The following CYFIP2 variants were observed in gnomAD, a reference collection of about 807,000 sequenced individuals.
CYFIP2 encodes cytoplasmic FMR1 interacting protein 2, also known as cytoplasmic FMR1-interacting protein 2.
Under a neutral mutation model 158.7 loss-of-function variants are expected in CYFIP2, and 29 were observed. The ratio of observed to expected loss-of-function variants is 0.18; its 90% CI spans 0.14 to 0.25. CYFIP2 has a LOEUF of 0.25. CYFIP2 is among the 10% of genes least tolerant of loss of function. CYFIP2 has a pLI of 1.00. For missense variants in CYFIP2, 852 were observed against 1,639.5 expected (o/e 0.52, Z 8.29); for synonymous variants, 585 against 617.6 (o/e 0.95, Z 0.78).
rs149996891 is a variant in CYFIP2 at position 157,277,342 on chromosome 5, G to A, written c.-23-7997G>A. On this transcript the variant is annotated intron_variant, in intron 1 of 30. Coordinates refer to ENST00000620254, the MANE Select transcript of CYFIP2 (RefSeq NM_001037333.3). ...CACTGAGTCTGGCCTTATCTGTGTA[G>A]CCACCAAGTCCGGTCTTATCTGTGT... Among the ~76,000 whole-genome samples, 4 of 152,112 alleles carry A rather than the reference G, an allele frequency of 2.6e-5. No homozygotes were observed. The East Asian group carries it at 7.7e-4, about 29-fold the overall frequency.
chr5:157,338,011 A>G (rs1413810036), intron 21 of CYFIP2, among the ~76,000 whole-genome samples: 5 of 152,236 alleles, frequency 3.3e-5, no homozygotes, highest in Non-Finnish European at 7.3e-5. Context: ...TACCGATCCT[A>G]AAAGATGGCT....
chr5:157,324,468 G>A (rs1760852674), intron 16 of CYFIP2, among the ~76,000 whole-genome samples: 1 of 152,236 alleles, frequency 6.6e-6, no homozygotes, highest in African/African-American at 2.4e-5. Flanking sequence ...CCAGTCCTGT[G>A]TTCTTCACAC....
chr5:157,324,395 A>G (rs1760846626), intron 16 of CYFIP2, among the ~76,000 whole-genome samples: 1 of 152,224 alleles, frequency 6.6e-6, no homozygotes, highest in South Asian at 2.1e-4. Flanking sequence ...TTTGCTACTC[A>G]GCCGCAACCA....
At chr5:157,302,921 T>C in intron 7 of CYFIP2, 31 bp downstream of exon 7, 2 of 1,536,364 alleles carry the variant, frequency 1.3e-6, no homozygotes, top group Non-Finnish European at 1.8e-6. Context: ...AGGCCTGGCC[T>C]GATGTCTCGG....
chr5:157,315,024 G>T lies in CYFIP2; in HGVS notation c.1286G>T (p.Gly429Val). 6.2e-7 allele frequency: 1 copy of T among 1,608,024 alleles called. No homozygotes were observed. The highest frequency in any genetic ancestry group is 8.5e-7 in the Non-Finnish European group (1 of 1,177,428). ...TDKFCNKDCP[G>V]TAEEYERATR... ...AAGTTCTGCAACAAGGACTGTCCTG[G>T]CACCGCGGAGGAATATGAGAGAGCC... The change falls in exon 13 of 31, where the codon GGC becomes GTC. Residue 429 changes from glycine to valine, a missense_variant. Around this residue, in one of 8 missense-constraint regions of CYFIP2, gnomAD observed 167 missense variants for 343.3 expected, o/e 0.49. Coordinates refer to ENST00000620254, the MANE Select transcript of CYFIP2 (RefSeq NM_001037333.3).
At chr5:157,294,747 T>C in intron 3 of CYFIP2, 36 bp from the exon 4 acceptor site, 1 of 1,601,996 alleles carries the variant, frequency 6.2e-7, no homozygotes, top group Non-Finnish European at 8.5e-7. Context: ...GGCACCCGTC[T>C]TGTTCCTCCC....
intron 26 of CYFIP2, among the ~76,000 whole-genome samples, chr5:157,369,886 T>TTTTTTTTTG (rs1764817590): frequency 6.7e-6 from 1 of 148,830 alleles, no homozygotes; most frequent in Non-Finnish European, 1.5e-5. Context: ...CTAGTTTTTT[T>TTTTTTTTTG]TTTTTTTTTT....
intron 26 of CYFIP2, chr5:157,377,025 G>GC (rs1398659676): frequency 3.7e-5 from 14 of 379,640 alleles, no homozygotes; most frequent in Admixed American, 8.5e-5. Flanking sequence ...TTTTACTCCC[G>GC]CCCTCAGGTC....
chr5:157,368,475 G>A (rs1764643607), intron 26 of CYFIP2, among the ~76,000 whole-genome samples: 1 of 152,098 alleles, frequency 6.6e-6, no homozygotes, highest in Admixed American at 6.5e-5. Flanking sequence ...AGCGTGTCCT[G>A]TCCCTTTGCC....
intron 28 of CYFIP2, chr5:157,384,413 A>G (rs1179664206): frequency 4.4e-6 from 2 of 456,632 alleles, no homozygotes; most frequent in Non-Finnish European, 4.4e-6. Flanking sequence ...GAGATTTAGG[A>G]TTGAAATCTG....
chr5:157,317,778 AC>A (rs1760266709), intron 13 of CYFIP2, among the ~76,000 whole-genome samples: 1 of 152,102 alleles, frequency 6.6e-6, no homozygotes, highest in South Asian at 2.1e-4. Flanking sequence ...CAAAAAGGCA[AC>A]CCCAAACCTA....
chr5:157,371,516 T>C (rs1210300645), intron 26 of CYFIP2, among the ~76,000 whole-genome samples: 1 of 152,230 alleles, frequency 6.6e-6, no homozygotes, highest in Non-Finnish European at 1.5e-5. Flanking sequence ...AATGCCATTC[T>C]GCATAAATCT....
At chr5:157,378,062 G>A (rs1314490639) in intron 26 of CYFIP2, among the ~76,000 whole-genome samples, 1 of 152,220 alleles carries the variant, frequency 6.6e-6, no homozygotes, top group Non-Finnish European at 1.5e-5. Flanking sequence ...AAACTTAAAT[G>A]GGGCTTTATG....
rs546404433 is a variant in CYFIP2, at chr5:157,300,459, TG to T, written c.388-253del. On this transcript the variant is annotated intron_variant, in intron 5 of 30. Transcript: ENST00000620254. ...CTGAGGCAGGAGAATTGCTTGAACC[TG>T]GGAAGTGGAGGTTGCAGTGAGCCGA... Among the ~76,000 whole-genome samples, 403 of 148,180 alleles carry T rather than the reference TG, an allele frequency of 2.7e-3. 1 individual carries two copies. Among genetic ancestry groups the T allele is most frequent in the African/African-American group, 9.6e-3 (383 of 39,906 alleles).
In CYFIP2 at chr5:157,358,949, C is replaced by T; in HGVS notation, c.2674-56C>T. The T allele has an allele frequency of 3.1e-6, 5 of 1,607,972 alleles. No homozygotes were observed. In the South Asian group the frequency reaches 5.5e-5, roughly 18 times the overall value. ...TGTCAGCAGAACATCTGCCAGGACT[C>T]CACCAGTGTCCATTCAGTACTCAGG... is the stretch of plus-strand genomic sequence containing the variant. On this transcript the variant is annotated intron_variant, in intron 23 of 30. Transcript: ENST00000620254.
intron 26 of CYFIP2, chr5:157,364,210 G>GGA (rs1764147796): frequency 1.4e-5 from 2 of 144,216 alleles, no homozygotes; most frequent in African/African-American, 5.2e-5. Context: ...GTGGCGGGGG[G>GGA]GGGTGGGTCC....
At chr5:157,314,524 T>TCTCCC in intron 12 of CYFIP2, 61 bp downstream of exon 12, 1 of 1,579,774 alleles carries the variant, frequency 6.3e-7, no homozygotes, top group Non-Finnish European at 8.6e-7. Flanking sequence ...TCTGCCTCCA[T>TCTCCC]CTCCCCCTAG....
chr5:157,290,913 G>A (rs1205375432), intron 3 of CYFIP2, among the ~76,000 whole-genome samples: 1 of 152,212 alleles, frequency 6.6e-6, no homozygotes, highest in African/African-American at 2.4e-5. Context: ...CCACATAACT[G>A]ACCAACTATA....
chr5:157,282,161 G>A (rs192471856), intron 1 of CYFIP2, among the ~76,000 whole-genome samples: 31 of 152,302 alleles, frequency 2.0e-4, no homozygotes, highest in Non-Finnish European at 3.5e-4. Flanking sequence ...TGACCTCAAG[G>A]TTCCACAGGC....
Sources: allele counts gnomAD v4.1 joint callset (sites outside exome capture counted in the v4.1 genomes callset), GRCh38; gene constraint gnomAD v4.1.1; regional missense constraint gnomAD v4.1.1; transcripts MANE v1.5; gene names NCBI Gene and HGNC (gene_info 2026-07-23, HGNC 2026-07-21).